ARVCF: variants seen among roughly 807,000 people sequenced by gnomAD.
ARVCF encodes splicing regulator ARVCF.
A neutral mutation model predicts 90.9 loss-of-function variants in ARVCF; 66 were observed. The observed-to-expected ratio is 0.73, with a 90% CI of 0.60 to 0.89. The LOEUF is 0.89. Ranked by LOEUF, ARVCF falls within the 40% of genes least tolerant of loss-of-function variation. The probability of loss-of-function intolerance (pLI) is 0.00; values close to 1 mark genes in which losing one functional copy is unlikely to be tolerated. For missense variants in ARVCF, 1,469 were observed against 1,382.3 expected, an observed-to-expected ratio of 1.06 and a Z score of -1.00; for synonymous variants, 653 against 603.4, an observed-to-expected ratio of 1.08 and a Z score of -1.21.
downstream of ARVCF, among the ~76,000 whole-genome samples, chr22:19,966,754 T>G (rs1401745999): frequency 6.7e-6 from 1 of 149,712 alleles, no homozygotes; most frequent in Non-Finnish European, 1.5e-5. Context: ...CTTTTTGTTG[T>G]TGTTTCTCGA....
At chr22:19,972,593 G>T in intron 16 of ARVCF, 144 bp downstream of exon 16, 2 of 1,148,760 alleles carry the variant, frequency 1.7e-6, no homozygotes, top group Non-Finnish European at 2.4e-6. Flanking sequence ...GAAGGGAGTA[G>T]CCAAGAGGCA....
At chr22:19,968,394 T>C, downstream of ARVCF, 1 of 794,120 alleles carries the variant, frequency 1.3e-6, no homozygotes, top group Non-Finnish European at 2.1e-6. Context: ...GGAGTCACGC[T>C]GGGCAGAAAG....
rs774091387 is a variant in ARVCF, at chr22:20,008,927, G to T, written c.-19+1528C>A. ...ACATAGAGAAGACCAAGAACTGGAG[G>T]GGGGAGGGAAAAGAAGGGACAAGAA... On this transcript the variant is annotated intron_variant, in intron 2 of 19. Coordinates refer to ENST00000263207, the MANE Select transcript of ARVCF (RefSeq NM_001670.3). Among the ~76,000 whole-genome samples the T allele has an allele frequency of 3.3e-5, 5 of 152,226 alleles. No homozygotes were observed. The East Asian group carries it at 7.7e-4, about 24-fold the overall frequency.
At chr22:19,968,894 G>A (rs9332380), downstream of ARVCF, 2,599 of 665,956 alleles carry the variant, frequency 3.9e-3, 57 homozygotes, top group African/African-American at 0.041. Flanking sequence ...TCTCTGAACT[G>A]CAACACTGGA....
At chr22:19,991,560 G>C (rs1312810476) in intron 2 of ARVCF, among the ~76,000 whole-genome samples, 2 of 152,264 alleles carry the variant, frequency 1.3e-5, no homozygotes, top group African/African-American at 2.4e-5. Context: ...GCCTCATCCA[G>C]AAAAGGGCAG....
chr22:19,970,456 C>T lies in ARVCF; in HGVS notation c.*300G>A. The stretch of plus-strand genomic sequence containing the variant: ...AGCCCAGCCAGGCACCCTTCCCTGC[C>T]ACCTCCCTGGGCCCTGCCCCAGCAG... On this transcript the variant is annotated 3_prime_UTR_variant, in exon 20 of 20. Coordinates refer to ENST00000263207, the MANE Select transcript of ARVCF (RefSeq NM_001670.3). 9.2e-7 allele frequency: 1 copy of T among 1,090,278 alleles called. No individual in the cohort carries two copies. Among genetic ancestry groups the T allele is most frequent in the Non-Finnish European group, 1.1e-6 (1 of 886,990 alleles). 67.5% of individuals were successfully genotyped at this position (1,090,278 alleles called of 1,614,324 possible). A position where few individuals can be genotyped will look rare whatever the true frequency, so the allele number is the denominator to read the frequency against.
At chr22:20,008,467 C>T (rs1242927415) in intron 2 of ARVCF, among the ~76,000 whole-genome samples, 3 of 152,234 alleles carry the variant, frequency 2.0e-5, no homozygotes, top group Non-Finnish European at 4.4e-5. Context: ...CAGTTGGCCA[C>T]TGGTTCCTCT....
intron 11 of ARVCF, 102 bp from the exon 12 acceptor site, chr22:19,974,341 T>G: frequency 7.1e-7 from 1 of 1,413,622 alleles, no homozygotes. Flanking sequence ...GTGGGTGAGC[T>G]GGGGCCAGGG....
chr22:19,971,738 C>A, intron 18 of ARVCF, 148 bp downstream of exon 18: 1 of 789,310 alleles, frequency 1.3e-6, no homozygotes. Context: ...GACTGACTGG[C>A]GTGAAGGGGC....
chr22:19,971,204 G>T lies in ARVCF; in HGVS notation c.*12+12C>A. 5 of 1,551,782 alleles carry T rather than the reference G, an allele frequency of 3.2e-6. No homozygotes were observed. The highest frequency in any genetic ancestry group is 4.4e-6 in the Non-Finnish European group (5 of 1,147,014). On this transcript the variant is annotated intron_variant, in intron 19 of 19. Transcript: ENST00000263207. ...GGAACAGGTGGACGAACAACCAGAT[G>T]AGAGAACGTACCAGGCATGCAAGCT...
At chr22:20,011,289 T>C (rs574789421) in intron 1 of ARVCF, among the ~76,000 whole-genome samples, 1 of 152,254 alleles carries the variant, frequency 6.6e-6, no homozygotes, top group African/African-American at 2.4e-5. Context: ...TGCCAGAGTG[T>C]TCATGTCATA....
At chr22:20,004,075 A>T (rs1043331074) in intron 2 of ARVCF, among the ~76,000 whole-genome samples, 5 of 152,186 alleles carry the variant, frequency 3.3e-5, no homozygotes, top group African/African-American at 1.2e-4. Flanking sequence ...CTATATATGA[A>T]CAATGAACAA....
At chr22:19,983,000 T>A (rs1259952390) in intron 3 of ARVCF, among the ~76,000 whole-genome samples, 1 of 152,186 alleles carries the variant, frequency 6.6e-6, no homozygotes, top group East Asian at 1.9e-4. Context: ...TCAAAGAGGA[T>A]AGGCTGGCCC....
chr22:19,975,663 T>C (rs1569152895), intron 11 of ARVCF, 23 bp downstream of exon 11: 2 of 1,613,064 alleles, frequency 1.2e-6, no homozygotes, highest in Non-Finnish European at 1.7e-6. Flanking sequence ...CCAGTGGAGC[T>C]GGCTTCATCT....
At chr22:19,968,549 T>C (rs567483468), downstream of ARVCF, 6 of 1,613,872 alleles carry the variant, frequency 3.7e-6, no homozygotes, top group East Asian at 1.3e-4. Context: ...TGTGGCCTGC[T>C]GCGGAAGGGG....
In ARVCF at chr22:19,982,017, C is replaced by T. The variant is rs1393250201; in HGVS notation, c.285G>A (p.Thr95=). The change falls in exon 4 of 20, where the codon ACG becomes ACA. Residue 95 remains threonine (T), a synonymous_variant. Coordinates refer to ENST00000263207, the MANE Select transcript of ARVCF (RefSeq NM_001670.3). ...TGGGTGTGCCGGGGTCCTCCTCCAC[C>T]GTCACGGTCTCCTCCAGCACATCAG... ...EAPDVLEETV[T]VEEDPGTPTS... 6 of 1,612,950 alleles carry T rather than the reference C, an allele frequency of 3.7e-6. No individual in the cohort carries two copies. Among genetic ancestry groups the T allele is most frequent in the African/African-American group, 2.7e-5 (2 of 74,918 alleles).
intron 2 of ARVCF, among the ~76,000 whole-genome samples, chr22:19,997,713 G>C (rs1601654584): frequency 6.6e-6 from 1 of 152,210 alleles, no homozygotes; most frequent in Admixed American, 6.5e-5. Context: ...GGCTGCAGAG[G>C]CTGCCAGTGC....
At chr22:19,987,958 C>T (rs1247643441) in intron 3 of ARVCF, among the ~76,000 whole-genome samples, 7 of 152,164 alleles carry the variant, frequency 4.6e-5, no homozygotes, top group Non-Finnish European at 1.0e-4. Context: ...GCTGGAGCCA[C>T]CTTCTTATGT....
chr22:20,002,537 A>G (rs548871248), intron 2 of ARVCF, among the ~76,000 whole-genome samples: 90 of 152,340 alleles, frequency 5.9e-4, no homozygotes, highest in Non-Finnish European at 7.1e-4. Context: ...CTGAAACCCC[A>G]TAAGGAAAAA....
Sources: allele counts gnomAD v4.1 joint callset (sites outside exome capture counted in the v4.1 genomes callset), GRCh38; gene constraint gnomAD v4.1.1; transcripts MANE v1.5; gene names NCBI Gene and HGNC (gene_info 2026-07-23, HGNC 2026-07-21).